Variants in SKIL observed in about 807,000 individuals in gnomAD.
SKIL encodes SKI like proto-oncogene.
Under a neutral mutation model 69.6 loss-of-function variants are expected in SKIL, and 20 were observed. The observed-to-expected ratio is 0.29, with a 90% CI of 0.20 to 0.42. The LOEUF is 0.42. SKIL is among the 10% of genes least tolerant of loss of function. The pLI is 1.00. For synonymous variants in SKIL, 310 were observed against 279.9 expected (o/e 1.11, Z -1.08); for missense variants, 745 against 783.1 (o/e 0.95, Z 0.58).
chr3:170,390,206 AT>A lies in SKIL; in HGVS notation c.1430-10del, dbSNP rs754927288. ...AGTGATATTCATACTTTGTTACTTG[AT>A]TTTTTTCTCTCCAAGATGCATCAAT... On this transcript the variant is annotated splice_polypyrimidine_tract_variant and intron_variant, in intron 4 of 6. Coordinates refer to ENST00000259119, the MANE Select transcript of SKIL (RefSeq NM_005414.5). The A allele has an allele frequency of 2.9e-5, 46 of 1,581,530 alleles. No homozygotes were observed. In the South Asian group the frequency reaches 4.9e-4, roughly 17 times the overall value.
At chr3:170,363,868 A>C (rs554021916) in intron 2 of SKIL, among the ~76,000 whole-genome samples, 22 of 152,320 alleles carry the variant, frequency 1.4e-4, no homozygotes, top group African/African-American at 4.8e-4. Context: ...CCCGTGCTGA[A>C]GTTTGTGCTC....
chr3:170,383,107 TC>T, intron 3 of SKIL, among the ~76,000 whole-genome samples: 1 of 152,340 alleles, frequency 6.6e-6, no homozygotes, highest in East Asian at 1.9e-4. Flanking sequence ...TTTTACTGTT[TC>T]AATAAATGTT....
chr3:170,370,260 A>G (rs1736736449), intron 2 of SKIL, among the ~76,000 whole-genome samples: 1 of 152,034 alleles, frequency 6.6e-6, no homozygotes, highest in Non-Finnish European at 1.5e-5. Context: ...ATAAAATAAA[A>G]TGTGGTTTGC....
chr3:170,371,751 T>C (rs1437375442), intron 2 of SKIL, among the ~76,000 whole-genome samples: 2 of 152,200 alleles, frequency 1.3e-5, no homozygotes, highest in Non-Finnish European at 2.9e-5. Context: ...GGTAATTCAT[T>C]ACATACAATG....
At chr3:170,363,436 C>T (rs1004501871) in intron 2 of SKIL, among the ~76,000 whole-genome samples, 2 of 151,888 alleles carry the variant, frequency 1.3e-5, no homozygotes, top group African/African-American at 2.4e-5. Flanking sequence ...TTTGAAATTT[C>T]TTGCCAGTGG....
At chr3:170,389,664 A>G (rs1737813489) in intron 4 of SKIL, among the ~76,000 whole-genome samples, 2 of 152,164 alleles carry the variant, frequency 1.3e-5, no homozygotes, top group Non-Finnish European at 2.9e-5. Flanking sequence ...TTTGTCAACA[A>G]CAATTGCCTT....
intron 1 of SKIL, among the ~76,000 whole-genome samples, chr3:170,359,099 C>T (rs1309467517): frequency 6.6e-6 from 1 of 152,104 alleles, no homozygotes; most frequent in Non-Finnish European, 1.5e-5. Context: ...GCTGAGAAAG[C>T]CCCGGTACTA....
chr3:170,376,442 C>G (rs570781992), intron 2 of SKIL, among the ~76,000 whole-genome samples: 2 of 152,242 alleles, frequency 1.3e-5, no homozygotes, highest in South Asian at 4.2e-4. Flanking sequence ...GCAAAATGTT[C>G]TACCCGTTAA....
intron 4 of SKIL, among the ~76,000 whole-genome samples, chr3:170,386,776 G>C (rs576798754): frequency 2.0e-5 from 3 of 152,032 alleles, no homozygotes; most frequent in African/African-American, 7.2e-5. Context: ...GGCCAATTTT[G>C]AGATTTTTAA....
Position 170,361,044 on chromosome 3 carries a change from C to G in SKIL, c.713C>G (p.Thr238Ser). Residue 238 changes from threonine (T) to serine (S), a missense_variant, in exon 2 of 7, where the codon ACT becomes AGT. Thr to Ser is a moderately conservative substitution (Grantham distance 58). Transcript: ENST00000259119. ...TGTAATGCTTTATTGCGGCCACGAA[C>G]TTTTCCTCAAAATGGTAGCGTACTT... The part of the protein sequence containing the change: ...RLCNALLRPR[T>S]FPQNGSVLPA... 6.2e-7 allele frequency: 1 copy of G among 1,614,212 alleles called. No homozygotes were observed. The highest frequency in any genetic ancestry group is 1.3e-5 in the African/African-American group (1 of 75,054).
At position 170,393,203 on chromosome 3, in the gene SKIL, G is replaced by A. The variant is rs1254248312; in HGVS notation, c.*786G>A. 19 of 151,998 alleles carry A rather than the reference G, an allele frequency of 1.3e-4. No individual in the cohort carries two copies. The highest frequency in any genetic ancestry group is 6.6e-5 in the Admixed American group (1 of 15,260). The allele number at this position is 151,998 out of a possible 1,614,324, so 9.4% of individuals were successfully genotyped here. A position where few individuals can be genotyped will look rare whatever the true frequency, so the allele number is the denominator to read the frequency against. On this transcript the variant is annotated 3_prime_UTR_variant, in exon 7 of 7. Coordinates refer to ENST00000259119, the MANE Select transcript of SKIL (RefSeq NM_005414.5). ...TTAATAGTGGTGTGAAAATATTAAC[G>A]TTCTTGAGAAAAACTGATACCACTG...
Position 170,360,247 on chromosome 3 carries a change from T to G in SKIL, c.-85T>G, listed in dbSNP as rs1423363637. 90 of 1,257,672 alleles carry G rather than the reference T, an allele frequency of 7.2e-5. No homozygotes were observed. The highest frequency in any genetic ancestry group is 9.9e-5 in the Non-Finnish European group (90 of 911,380). The allele number at this position is 1,257,672 out of a possible 1,614,324, so 77.9% of individuals were successfully genotyped here. The stretch of plus-strand genomic sequence containing the variant: ...GAGTAAGTTACGATAGGCATTTGTA[T>G]CCATTCATTACTTTCCTCTTTTCAA... On this transcript the variant is annotated 5_prime_UTR_variant, in exon 2 of 7. Transcript: ENST00000259119.
In SKIL at chr3:170,360,828, G is replaced by C. The variant is rs756561022; in HGVS notation, c.497G>C (p.Cys166Ser). 2 of 1,614,062 alleles carry C rather than the reference G, an allele frequency of 1.2e-6. No individual in the cohort carries two copies. The change falls in exon 2 of 7, where the codon TGT becomes TCT. Residue 166 changes from cysteine to serine, a missense_variant. Transcript: ENST00000259119. ...CFQVGGEKRL[C>S]LPQVLNSVLR... ...CAAGTTGGAGGAGAAAAGAGACTCT[G>C]TTTGCCCCAAGTCTTAAATTCTGTT...
intron 3 of SKIL, among the ~76,000 whole-genome samples, chr3:170,383,817 C>T (rs2108217618): frequency 6.6e-6 from 1 of 152,224 alleles, no homozygotes; most frequent in East Asian, 1.9e-4. Flanking sequence ...GCAGCCTCAC[C>T]AAAGCAAAGA....
chr3:170,360,929 G>C lies in SKIL; in HGVS notation c.598G>C (p.Asp200His), dbSNP rs149320984. The C allele has an allele frequency of 1.8e-5, 29 of 1,614,172 alleles. No homozygotes were observed. The Admixed American group carries it at 3.8e-4, about 21-fold the overall frequency. Residue 200 changes from aspartate to histidine, a missense_variant, in exon 2 of 7, where the codon GAC becomes CAC. Physicochemically the swap from Asp to His is moderately conservative, Grantham distance 81 (BLOSUM62 -1). Coordinates refer to ENST00000259119, the MANE Select transcript of SKIL (RefSeq NM_005414.5). ...CATATATTGTTCAAGGTGTACTTCA[G>C]ACCAGCTTCATATCTTAAAGGTACT... ...LYIYCSRCTS[D>H]QLHILKVLGI... is the part of the protein sequence containing the mutation.
chr3:170,378,553 C>CTCTTTTTT (rs1553853891), intron 2 of SKIL, among the ~76,000 whole-genome samples: 11 of 118,994 alleles, frequency 9.2e-5, no homozygotes, highest in South Asian at 2.7e-4. Context: ...CTCTCTCTCT[C>CTCTTTTTT]TTTTTTTTTT....
chr3:170,381,480 T>G lies in SKIL; in HGVS notation c.1196+139T>G, dbSNP rs1737345506. 7.0e-6 allele frequency: 4 copies of G among 570,724 alleles called. No homozygotes were observed. The South Asian group carries it at 8.0e-5, about 11-fold the overall frequency. The allele number at this position is 570,724 out of a possible 1,614,324, so 35.4% of individuals were successfully genotyped here. A position where few individuals can be genotyped will look rare whatever the true frequency, so the allele number is the denominator to read the frequency against. On this transcript the variant is annotated intron_variant, in intron 3 of 6. Coordinates refer to ENST00000259119, the MANE Select transcript of SKIL (RefSeq NM_005414.5). ...CAGAGTCTTGCTCTGTTACCCAGGC[T>G]GGAGTGCAGTGGCGCGATCTCGTCT...
At chr3:170,366,547 A>G (rs7626016) in intron 2 of SKIL, among the ~76,000 whole-genome samples, 126,468 of 151,908 alleles carry the variant, frequency 0.83, 52,967 homozygotes, top group East Asian at 0.94. Flanking sequence ...GGGGATGGTG[A>G]CACACGCCTG....
chr3:170,379,756 G>A (rs1737231687), intron 2 of SKIL, among the ~76,000 whole-genome samples: 1 of 152,096 alleles, frequency 6.6e-6, no homozygotes, highest in Non-Finnish European at 1.5e-5. Context: ...TGATTCTCCT[G>A]TCTCAGCCTC....
Sources: gnomAD v4.1 joint callset for allele counts (sites outside exome capture counted in the v4.1 genomes callset) on GRCh38, gnomAD v4.1.1 for gene constraint, MANE v1.5 for transcripts, NCBI Gene and HGNC (gene_info 2026-07-23, HGNC 2026-07-21) for gene names.